The following SPON1 variants were observed in gnomAD, a reference collection of about 807,000 sequenced individuals.
SPON1 encodes spondin 1.
Under a neutral mutation model 111.7 loss-of-function variants are expected in SPON1, and 52 were observed. The observed-to-expected ratio is 0.47, with a 90% CI of 0.37 to 0.59. The LOEUF (loss-of-function observed/expected upper bound fraction) is 0.59. SPON1 is among the 20% of genes least tolerant of loss of function. SPON1 has a pLI of 0.00. For synonymous variants in SPON1, 410 were observed against 395.8 expected, an observed-to-expected ratio of 1.04 and a Z score of -0.43; for missense variants, 957 against 1,068.5, an observed-to-expected ratio of 0.90 and a Z score of 1.46.
At position 14,056,152 on chromosome 11, in the gene SPON1, C is replaced by G. The variant is rs1457737216; in HGVS notation, c.479+14498C>G. On this transcript the variant is annotated intron_variant, in intron 3 of 15. Transcript: ENST00000576479. ...ACACCCAGTGCCTCAGGTGCCTCCCCCATAACATGGGGGTGGTAATATTAA... is the reference window on the plus strand; with the variant it reads ...ACACCCAGTGCCTCAGGTGCCTCCCGCATAACATGGGGGTGGTAATATTAA... Among the ~76,000 whole-genome samples the G allele has an allele frequency of 2.6e-5, 4 of 152,142 alleles. No homozygotes were observed. The East Asian group carries it at 7.7e-4, about 29-fold the overall frequency.
Position 14,265,573 on chromosome 11 carries a change from C to T in SPON1, c.2310C>T (p.Cys770=), listed in dbSNP as rs782347616. Residue 770 remains cysteine (C), a synonymous_variant, in exon 16 of 16, where the codon TGC becomes TGT. Transcript: ENST00000576479. ...CCTGGTCAGAATGCACCAAACTGTG[C>T]GGAGGTGGAATTCAGGAACGTTACA... ...WTAWSECTKL[C]GGGIQERYMT... 2.1e-5 allele frequency: 34 copies of T among 1,613,472 alleles called. No individual in the cohort carries two copies. The highest frequency in any genetic ancestry group is 4.5e-5 in the East Asian group (2 of 44,870).
intron 2 of SPON1, among the ~76,000 whole-genome samples, chr11:13,992,813 C>G (rs540021504): frequency 6.6e-6 from 1 of 151,962 alleles, no homozygotes; most frequent in Admixed American, 6.5e-5. Flanking sequence ...GGAGAAAATT[C>G]CCTGACCCCT....
intron 6 of SPON1, among the ~76,000 whole-genome samples, chr11:14,189,592 T>C (rs1249587881): frequency 6.6e-6 from 1 of 152,140 alleles, no homozygotes; most frequent in Non-Finnish European, 1.5e-5. Flanking sequence ...CCACCCCATA[T>C]CCCTATTACC....
chr11:14,221,742 G>A (rs140823813), intron 6 of SPON1, among the ~76,000 whole-genome samples: 7 of 152,222 alleles, frequency 4.6e-5, no homozygotes, highest in Admixed American at 2.6e-4. Flanking sequence ...CTTCACAAGC[G>A]AAGGGCATTT....
chr11:14,232,867 G>A (rs984649877), intron 6 of SPON1, among the ~76,000 whole-genome samples: 2 of 152,152 alleles, frequency 1.3e-5, no homozygotes, highest in Admixed American at 6.5e-5. Context: ...GGCCAGTGGG[G>A]CAGCGGCGGC....
Position 14,149,564 on chromosome 11 carries a change from G to A in SPON1, c.825+13996G>A, listed in dbSNP as rs1847764226. 2.0e-5 allele frequency among the ~76,000 whole-genome samples: 3 copies of A among 152,164 alleles called. No homozygotes were observed. The South Asian group carries it at 6.2e-4, about 31-fold the overall frequency. Reference sequence around the variant, plus strand: ...TAAGTCTACAGTAGTGTGCAGTAATGTCCTAGGCCTTCACATTCACTCACC... The same window carrying A: ...TAAGTCTACAGTAGTGTGCAGTAATATCCTAGGCCTTCACATTCACTCACC... On this transcript the variant is annotated intron_variant, in intron 6 of 15. Coordinates refer to ENST00000576479, the MANE Select transcript of SPON1 (RefSeq NM_006108.4).
intron 5 of SPON1, among the ~76,000 whole-genome samples, chr11:14,129,858 T>C (rs1478674741): frequency 2.0e-5 from 3 of 152,152 alleles, no homozygotes; most frequent in Non-Finnish European, 4.4e-5. Context: ...AGCAGGCGCC[T>C]TCTTCACAAG....
At chr11:13,990,458 T>C (rs1244117740) in intron 2 of SPON1, among the ~76,000 whole-genome samples, 3 of 146,892 alleles carry the variant, frequency 2.0e-5, no homozygotes, top group African/African-American at 7.5e-5. Flanking sequence ...TTTGAGCCTA[T>C]GTGTGTCTTT....
chr11:14,048,451 C>T (rs57398435), intron 3 of SPON1, among the ~76,000 whole-genome samples: 20 of 152,284 alleles, frequency 1.3e-4, no homozygotes, highest in African/African-American at 4.6e-4. Context: ...CTGAAGCCCA[C>T]GTAGCTGGTT....
chr11:14,027,529 A>G (rs1848527802), intron 2 of SPON1, among the ~76,000 whole-genome samples: 1 of 152,240 alleles, frequency 6.6e-6, no homozygotes, highest in South Asian at 2.1e-4. Context: ...ACTGGGACAC[A>G]GAAGGACCTC....
In SPON1 at chr11:14,260,679, C is replaced by A. The variant is rs1466413252; in HGVS notation, c.1923C>A (p.Leu641=). The A allele has an allele frequency of 1.9e-6, 3 of 1,613,902 alleles. No homozygotes were observed. In the African/African-American group the frequency reaches 4.0e-5, roughly 22 times the overall value. ...GCATGCGAACCCGACAGCGGATGCT[C>A]AAGTCTCTGGCAGAACTTGGAGACT... The part of the protein sequence containing the change: ...GKGMRTRQRM[L]KSLAELGDCN... The change falls in exon 14 of 16, where the codon CTC becomes CTA. Residue 641 remains leucine, a synonymous_variant. Coordinates refer to ENST00000576479, the MANE Select transcript of SPON1 (RefSeq NM_006108.4).
chr11:14,264,443 C>A (rs1404067633), intron 15 of SPON1, among the ~76,000 whole-genome samples: 1 of 152,198 alleles, frequency 6.6e-6, no homozygotes, highest in Non-Finnish European at 1.5e-5. Context: ...CCAGGGACTT[C>A]AGTGCTGAAG....
At chr11:14,157,475 CTGAT>C (rs57085333) in intron 6 of SPON1, among the ~76,000 whole-genome samples, 6,217 of 152,118 alleles carry the variant, frequency 0.041, 183 homozygotes, top group South Asian at 0.093. Flanking sequence ...GTCTTTATCT[CTGAT>C]TGTCAGTAGT....
chr11:14,096,224 C>T (rs185688745), intron 5 of SPON1, among the ~76,000 whole-genome samples: 12 of 152,306 alleles, frequency 7.9e-5, no homozygotes, highest in Middle Eastern at 3.4e-3. Flanking sequence ...GAAGGAAAGT[C>T]CATGATCACA....
intron 5 of SPON1, among the ~76,000 whole-genome samples, chr11:14,086,506 A>G (rs1554922648): frequency 1.3e-5 from 2 of 152,168 alleles, no homozygotes; most frequent in Non-Finnish European, 2.9e-5. Flanking sequence ...CGACTTGATC[A>G]TGGTGGATAA....
intron 6 of SPON1, among the ~76,000 whole-genome samples, chr11:14,235,032 A>G (rs1564937448): frequency 6.6e-6 from 1 of 152,174 alleles, no homozygotes; most frequent in Non-Finnish European, 1.5e-5. Context: ...AGCTCTGACC[A>G]CGGTTCCCAA....
intron 7 of SPON1, among the ~76,000 whole-genome samples, chr11:14,252,690 G>GGCAAGACCTGC (rs1849065719): frequency 6.6e-6 from 1 of 151,868 alleles, no homozygotes; most frequent in African/African-American, 2.4e-5. Context: ...CTCAGCTGAA[G>GGCAAGACCTGC]GCAAGACCTG....
intron 1 of SPON1, among the ~76,000 whole-genome samples, chr11:13,982,416 G>C (rs1246750035): frequency 1.8e-4 from 28 of 152,198 alleles, no homozygotes; most frequent in African/African-American, 6.3e-4. Flanking sequence ...AATGAAATAT[G>C]TTTTGAAGAA....
Position 14,207,762 on chromosome 11 carries a change from A to C in SPON1, c.826-35570A>C, listed in dbSNP as rs571496425. Among the ~76,000 whole-genome samples the C allele has an allele frequency of 6.6e-5, 10 of 152,344 alleles. No homozygotes were observed. The East Asian group carries it at 1.7e-3, about 26-fold the overall frequency. The stretch of plus-strand genomic sequence containing the variant: ...GCTTATACACTATTGGTGGGAGTGT[A>C]AATTTGTTCAACCATTGTGGAAGAC... On this transcript the variant is annotated intron_variant, in intron 6 of 15. Transcript: ENST00000576479.
Sources: gnomAD v4.1 joint callset for allele counts (sites outside exome capture counted in the v4.1 genomes callset) on GRCh38, gnomAD v4.1.1 for gene constraint, MANE v1.5 for transcripts, NCBI Gene and HGNC (gene_info 2026-07-23, HGNC 2026-07-21) for gene names.